The following CSNK1G2 variants were observed in gnomAD, a reference collection of about 807,000 sequenced individuals.
The protein encoded by CSNK1G2 is casein kinase 1 gamma 2.
CSNK1G2 carries 11 observed loss-of-function variants against 48.0 expected under a neutral mutation model. That is an observed-to-expected ratio of 0.23 (90% CI 0.14 to 0.38). CSNK1G2 has a LOEUF of 0.38. Ranked by LOEUF, CSNK1G2 falls within the 10% of genes least tolerant of loss-of-function variation. CSNK1G2 has a pLI of 1.00. For missense variants in CSNK1G2, 446 were observed against 595.5 expected, an observed-to-expected ratio of 0.75 and a Z score of 2.61; for synonymous variants, 337 against 254.1, an observed-to-expected ratio of 1.33 and a Z score of -3.10.
In CSNK1G2 at chr19:1,978,214, C is replaced by A; in HGVS notation, c.188-91C>A. 7.4e-7 allele frequency: 1 copy of A among 1,348,004 alleles called. No homozygotes were observed. Among genetic ancestry groups the A allele is most frequent in the Non-Finnish European group, 1.1e-6 (1 of 944,060 alleles). The allele number at this position is 1,348,004 out of a possible 1,614,324, so 83.5% of individuals were successfully genotyped here. ...ATTTGGAGGGTGGTCCTTCAGGGAC[C>A]CCCTCCTGCCTCCTGCCTCGGGGGT... On this transcript the variant is annotated intron_variant, in intron 2 of 11. Coordinates refer to ENST00000255641, the MANE Select transcript of CSNK1G2 (RefSeq NM_001319.7). The surrounding 1 kb of genome is among the most constrained non-coding windows in gnomAD (Gnocchi z 7.3).
In CSNK1G2 at chr19:1,950,960, G is replaced by A. The variant is rs920047381; in HGVS notation, c.-266+9542G>A. 6.2e-5 allele frequency among the ~76,000 whole-genome samples: 9 copies of A among 146,202 alleles called. 1 individual carries two copies. Among genetic ancestry groups the A allele is most frequent in the Non-Finnish European group, 1.0e-4 (7 of 67,150 alleles). The stretch of plus-strand genomic sequence containing the variant: ...CCCCCTAGATCCCTGGGTGATCCCC[G>A]TGCCCAGTTTTCAGGGGAGACCATG... On this transcript the variant is annotated intron_variant, in intron 1 of 11. Coordinates refer to ENST00000255641, the MANE Select transcript of CSNK1G2 (RefSeq NM_001319.7).
intron 2 of CSNK1G2, chr19:1,975,169 C>T (rs1030036154): frequency 1.9e-5 from 19 of 985,502 alleles, no homozygotes; most frequent in Non-Finnish European, 2.3e-5. Flanking sequence ...GCTTCAAAGG[C>T]CCGCCCATCA....
chr19:1,980,493 G>A lies in CSNK1G2; in HGVS notation c.*290G>A, dbSNP rs1205483216. The stretch of plus-strand genomic sequence containing the variant: ...AAGAGGAAAAAAAAAACAGAGGCCC[G>A]CCCTACCCCACTCCTGCCCCTCCGT... On this transcript the variant is annotated 3_prime_UTR_variant, in exon 12 of 12. Coordinates refer to ENST00000255641, the MANE Select transcript of CSNK1G2 (RefSeq NM_001319.7). The A allele has an allele frequency of 6.2e-6, 3 of 482,714 alleles. No individual in the cohort carries two copies. The highest frequency in any genetic ancestry group is 3.8e-5 in the Admixed American group (1 of 26,186). The allele number at this position is 482,714 out of a possible 1,614,324, so 29.9% of individuals were successfully genotyped here.
intron 2 of CSNK1G2, chr19:1,975,689 C>T: frequency 3.1e-6 from 3 of 982,580 alleles, no homozygotes; most frequent in Non-Finnish European, 3.6e-6. Context: ...ATTCAGGGGG[C>T]AGTGTCCTGA....
At chr19:1,965,097 G>T (rs951740018) in intron 1 of CSNK1G2, among the ~76,000 whole-genome samples, 1 of 148,428 alleles carries the variant, frequency 6.7e-6, no homozygotes, top group African/African-American at 2.5e-5. Flanking sequence ...TAGTGGAGAC[G>T]TACACGATCA....
At chr19:1,970,675 C>T (rs1157631201) in intron 2 of CSNK1G2, among the ~76,000 whole-genome samples, 1 of 152,212 alleles carries the variant, frequency 6.6e-6, no homozygotes, top group African/African-American at 2.4e-5. Context: ...GCTGAATCAT[C>T]CCCGGAAATG....
At chr19:1,968,561 C>T (rs1044333848) in intron 1 of CSNK1G2, among the ~76,000 whole-genome samples, 2 of 152,220 alleles carry the variant, frequency 1.3e-5, no homozygotes, top group Non-Finnish European at 2.9e-5. Flanking sequence ...GCAACAGGCT[C>T]TGGGGCCCTC....
chr19:1,971,530 C>T (rs1202851137), intron 2 of CSNK1G2, among the ~76,000 whole-genome samples: 1 of 152,256 alleles, frequency 6.6e-6, no homozygotes, highest in African/African-American at 2.4e-5. Flanking sequence ...CCCACAAATG[C>T]ACATGTGCAC....
intron 1 of CSNK1G2, among the ~76,000 whole-genome samples, chr19:1,963,544 A>G (rs144733828): frequency 2.9e-4 from 44 of 150,998 alleles, no homozygotes; most frequent in Middle Eastern, 3.4e-3. Flanking sequence ...GTCTCGCTGT[A>G]TCACCCAGGC....
intron 1 of CSNK1G2, chr19:1,954,139 T>C: frequency 2.3e-6 from 1 of 434,382 alleles, no homozygotes; most frequent in Admixed American, 2.5e-5. Context: ...TTAAACCCAT[T>C]ACCGGCCTAG....
At chr19:1,954,987 C>T (rs374800823) in intron 1 of CSNK1G2, among the ~76,000 whole-genome samples, 5 of 152,250 alleles carry the variant, frequency 3.3e-5, no homozygotes, top group East Asian at 3.9e-4. Flanking sequence ...CCCAGGCCTG[C>T]GTGGGCACTG....
chr19:1,946,176 A>T (rs1046498150), intron 1 of CSNK1G2, among the ~76,000 whole-genome samples: 3 of 152,120 alleles, frequency 2.0e-5, no homozygotes, highest in Non-Finnish European at 4.4e-5. Flanking sequence ...CAGGCCGCGC[A>T]GAGGAGGGGG....
intron 1 of CSNK1G2, among the ~76,000 whole-genome samples, chr19:1,962,763 G>A (rs1246446458): frequency 1.3e-5 from 2 of 149,008 alleles, no homozygotes; most frequent in African/African-American, 5.2e-5. Context: ...CAGCCACTGT[G>A]GAGACGACCT....
intron 11 of CSNK1G2, 36 bp from the exon 12 acceptor site, chr19:1,980,113 C>T: frequency 6.2e-7 from 1 of 1,611,906 alleles, no homozygotes; most frequent in Non-Finnish European, 8.5e-7. Context: ...CCGCCCTGCA[C>T]CCCGGTCCTC....
chr19:1,980,594 G>A lies in CSNK1G2; in HGVS notation c.*391G>A, dbSNP rs747432787. ...CGCCCCGCCAGCCGCCCCCGTTAGC[G>A]TCATAAAGTCCAGCTTGTCTCCCTC... On this transcript the variant is annotated 3_prime_UTR_variant, in exon 12 of 12. Transcript: ENST00000255641. The A allele has an allele frequency of 3.6e-6, 1 of 275,252 alleles. No homozygotes were observed. Among genetic ancestry groups the A allele is most frequent in the Non-Finnish European group, 7.1e-6 (1 of 141,366 alleles). 17.1% of individuals were successfully genotyped at this position (275,252 alleles called of 1,614,324 possible).
chr19:1,949,307 C>T (rs114287138), intron 1 of CSNK1G2, among the ~76,000 whole-genome samples: 2,452 of 152,306 alleles, frequency 0.016, 67 homozygotes, highest in African/African-American at 0.056. Context: ...CGTTCACTCC[C>T]GTGCCCTCTC....
rs758808386 is a variant in CSNK1G2 at position 1,953,389 on chromosome 19, C to A, written c.-266+11971C>A. On this transcript the variant is annotated intron_variant, in intron 1 of 11. Transcript: ENST00000255641. ...GCCTGGGTGGGGGTGTTCTCACTTC[C>A]CCCGGAGTCTGGAAGGCCGTCTTTG... 3 of 534,098 alleles carry A rather than the reference C, an allele frequency of 5.6e-6. No individual in the cohort carries two copies. The African/African-American group carries it at 5.8e-5, about 10-fold the overall frequency. 33.1% of individuals were successfully genotyped at this position (534,098 alleles called of 1,614,324 possible).
At position 1,977,750 on chromosome 19, in the gene CSNK1G2, CAAAAAAAA is replaced by C. The variant is rs758107982; in HGVS notation, c.188-542_188-535del. Among the ~76,000 whole-genome samples, 402 of 83,054 alleles carry C rather than the reference CAAAAAAAA, an allele frequency of 4.8e-3. 3 individuals are homozygous for C. Among genetic ancestry groups the C allele is most frequent in the African/African-American group, 0.016 (374 of 23,182 alleles). The allele number at this position is 83,054 out of a possible 152,430, so 54.5% of individuals were successfully genotyped here. On this transcript the variant is annotated intron_variant, in intron 2 of 11. Coordinates refer to ENST00000255641, the MANE Select transcript of CSNK1G2 (RefSeq NM_001319.7). ...ACTGGGCAACAGAGCGACACCGTCT[CAAAAAAAA>C]AAAAAAAAAAAAGGTTCTGGGCCTC...
At chr19:1,965,816 A>G (rs1461327805) in intron 1 of CSNK1G2, among the ~76,000 whole-genome samples, 1 of 151,446 alleles carries the variant, frequency 6.6e-6, no homozygotes, top group Non-Finnish European at 1.5e-5. Flanking sequence ...AGTGTTTTTG[A>G]GGCACGGTCT....
Sources: allele counts gnomAD v4.1 joint callset (sites outside exome capture counted in the v4.1 genomes callset), GRCh38; gene constraint gnomAD v4.1.1; non-coding constraint Gnocchi (gnomAD v3.1); transcripts MANE v1.5; gene names NCBI Gene and HGNC (gene_info 2026-07-23, HGNC 2026-07-21).